Variants in DCUN1D1 observed in about 807,000 individuals in gnomAD.
The protein encoded by DCUN1D1 is defective in cullin neddylation 1 domain containing 1.
DCUN1D1 carries 3 observed loss-of-function variants against 39.0 expected under a neutral mutation model. That is an observed-to-expected ratio of 0.08 (90% CI 0.04 to 0.20). The LOEUF (loss-of-function observed/expected upper bound fraction) is 0.20, where lower values mean the gene tolerates loss of function less well. DCUN1D1 is among the 10% of genes least tolerant of loss of function. The pLI, the probability that DCUN1D1 is intolerant of heterozygous loss-of-function variation, is 1.00. For missense variants in DCUN1D1, 158 were observed against 302.4 expected (o/e 0.52, Z 3.54); for synonymous variants, 82 against 96.3 (o/e 0.85, Z 0.87).
intron 4 of DCUN1D1, among the ~76,000 whole-genome samples, 168 bp downstream of exon 4, chr3:182,961,058 T>C (rs1049717897): frequency 6.6e-6 from 1 of 152,206 alleles, no homozygotes; most frequent in Admixed American, 6.5e-5. Flanking sequence ...ACTTACTCAA[T>C]GTGCATGGTA....
In DCUN1D1 at chr3:182,938,246, TTTTTCAAAAAAATGAA is replaced by T. The variant is rs1725980249; in HGVS notation, c.*6832_*6847del. The T allele has an allele frequency of 6.6e-6, 1 of 152,110 alleles. No individual in the cohort carries two copies. The highest frequency in any genetic ancestry group is 1.5e-5 in the Non-Finnish European group (1 of 68,022). The allele number at this position is 152,110 out of a possible 1,614,324, so 9.4% of individuals were successfully genotyped here. A position where few individuals can be genotyped will look rare whatever the true frequency, so the allele number is the denominator to read the frequency against. ...TTTAAAGTGCTAAAGCAATCATTGT[TTTTTCAAAAAAATGAA>T]TTTGAAGCCAAAGAGTGGAGAGTGT... On this transcript the variant is annotated 3_prime_UTR_variant, in exon 7 of 7. Coordinates refer to ENST00000292782, the MANE Select transcript of DCUN1D1 (RefSeq NM_020640.4).
upstream of DCUN1D1, among the ~76,000 whole-genome samples, chr3:182,981,614 A>G (rs937131780): frequency 6.6e-6 from 1 of 152,240 alleles, no homozygotes; most frequent in Non-Finnish European, 1.5e-5. Context: ...AACTGTACCA[A>G]GAGCTTACCT....
chr3:182,973,076 T>C (rs1263640903), intron 1 of DCUN1D1, among the ~76,000 whole-genome samples: 2 of 152,000 alleles, frequency 1.3e-5, no homozygotes, highest in Admixed American at 6.6e-5. Context: ...ATTACTTTAG[T>C]CCCCTCTTAT....
chr3:182,969,651 T>C (rs190431022), intron 1 of DCUN1D1, among the ~76,000 whole-genome samples: 4 of 152,288 alleles, frequency 2.6e-5, no homozygotes, highest in Non-Finnish European at 5.9e-5. Context: ...TAAAACTACC[T>C]AGGTATTATC....
intron 4 of DCUN1D1, among the ~76,000 whole-genome samples, chr3:182,949,539 G>A (rs1033440218): frequency 1.1e-4 from 17 of 152,234 alleles, no homozygotes; most frequent in Admixed American, 9.8e-4. Context: ...GGGCAACATA[G>A]CAAGACCCCA....
At chr3:182,964,663 C>T (rs6809996) in intron 2 of DCUN1D1, among the ~76,000 whole-genome samples, 66,288 of 125,802 alleles carry the variant, frequency 0.53, 20,045 homozygotes, top group Non-Finnish European at 0.67. Flanking sequence ...TTTTTTGAGA[C>T]GGAGTCTCAC....
chr3:182,980,502 C>A lies in DCUN1D1; in HGVS notation c.-13G>T, dbSNP rs2108409351. ...AGTGCCTCACCATGTTGGTGTCCTCCAGGCCTCTCCCCTCCTCCTCCGGCT... is the reference window on the plus strand; with the variant it reads ...AGTGCCTCACCATGTTGGTGTCCTCAAGGCCTCTCCCCTCCTCCTCCGGCT... On this transcript the variant is annotated 5_prime_UTR_variant, in exon 1 of 7. Coordinates refer to ENST00000292782, the MANE Select transcript of DCUN1D1 (RefSeq NM_020640.4). 8.1e-7 allele frequency: 1 copy of A among 1,241,914 alleles called. No homozygotes were observed. Among genetic ancestry groups the A allele is most frequent in the South Asian group, 1.8e-5 (1 of 54,670 alleles). The allele number at this position is 1,241,914 out of a possible 1,614,324, so 76.9% of individuals were successfully genotyped here. A position where few individuals can be genotyped will look rare whatever the true frequency, so the allele number is the denominator to read the frequency against.
At chr3:182,980,555 G>GGCGGCTCCTCTCACGGGCTTGC (rs952534260), upstream of DCUN1D1, 169 of 1,201,568 alleles carry the variant, frequency 1.4e-4, no homozygotes, top group Admixed American at 4.2e-4. Context: ...CGGCGGCGGC[G>GGCGGCTCCTCTCACGGGCTTGC]GCGGCTCCTC....
In DCUN1D1 at chr3:182,938,921, C is replaced by T. The variant is rs1359840742; in HGVS notation, c.*6173G>A. On this transcript the variant is annotated 3_prime_UTR_variant, in exon 7 of 7. Coordinates refer to ENST00000292782, the MANE Select transcript of DCUN1D1 (RefSeq NM_020640.4). ...ACCTTGGTACAAACAATAACAGAGC[C>T]AAAGCACCAGCCATCAGCACCACTC... 1 of 152,478 alleles carries T rather than the reference C, an allele frequency of 6.6e-6. No homozygotes were observed. Among genetic ancestry groups the T allele is most frequent in the Non-Finnish European group, 1.5e-5 (1 of 68,118 alleles). The allele number at this position is 152,478 out of a possible 1,614,324, so 9.4% of individuals were successfully genotyped here.
rs576652691 is a variant in DCUN1D1, at chr3:182,943,254, GAT to G, written c.*1838_*1839del. On this transcript the variant is annotated 3_prime_UTR_variant, in exon 7 of 7. Coordinates refer to ENST00000292782, the MANE Select transcript of DCUN1D1 (RefSeq NM_020640.4). ...AACAGTACATATATATAGATATATA[GAT>G]ATATATATCTTTTAAAAATTTTTCA... is the stretch of plus-strand genomic sequence containing the variant. 6.8e-6 allele frequency: 1 copy of G among 146,596 alleles called. No homozygotes were observed. Among genetic ancestry groups the G allele is most frequent in the African/African-American group, 2.5e-5 (1 of 40,036 alleles). 9.1% of individuals were successfully genotyped at this position (146,596 alleles called of 1,614,324 possible).
intron 4 of DCUN1D1, among the ~76,000 whole-genome samples, chr3:182,948,484 C>A (rs1307119516): frequency 3.3e-5 from 5 of 151,780 alleles, no homozygotes; most frequent in Non-Finnish European, 7.4e-5. Context: ...ACTACGCTTA[C>A]CACACAACAG....
chr3:182,955,371 G>T, intron 4 of DCUN1D1: 1 of 538,366 alleles, frequency 1.9e-6, no homozygotes, highest in Non-Finnish European at 3.8e-6. Flanking sequence ...TGTTTTTCCT[G>T]GTTCTTTATT....
chr3:182,980,425 G>A (rs930736058), intron 1 of DCUN1D1, 62 bp downstream of exon 1: 99 of 1,023,066 alleles, frequency 9.7e-5, no homozygotes, highest in African/African-American at 9.2e-4. Flanking sequence ...CGGCCGGGGC[G>A]GGGGTGCGCG....
intron 1 of DCUN1D1, among the ~76,000 whole-genome samples, chr3:182,973,178 G>A (rs1728037815): frequency 6.6e-6 from 1 of 152,102 alleles, no homozygotes; most frequent in Non-Finnish European, 1.5e-5. Context: ...TATACACTAT[G>A]TTTTTTTGAC....
At chr3:182,962,653 T>G (rs1727458764) in intron 3 of DCUN1D1, among the ~76,000 whole-genome samples, 1 of 152,226 alleles carries the variant, frequency 6.6e-6, no homozygotes, top group Non-Finnish European at 1.5e-5. Flanking sequence ...CTTCCCTTAC[T>G]TCCCAGAGGT....
At chr3:182,967,960 G>GT (rs1727754164) in intron 1 of DCUN1D1, among the ~76,000 whole-genome samples, 1 of 150,728 alleles carries the variant, frequency 6.6e-6, no homozygotes, top group South Asian at 2.1e-4. Context: ...GAGGAACAAA[G>GT]TAAAGTACCA....
At chr3:182,981,269 C>G (rs377204892), upstream of DCUN1D1, among the ~76,000 whole-genome samples, 8 of 152,276 alleles carry the variant, frequency 5.3e-5, no homozygotes, top group African/African-American at 1.9e-4. Context: ...TGCCTGCCTA[C>G]TGCTAGCTCT....
chr3:182,948,934 G>A (rs1362573405), intron 4 of DCUN1D1, among the ~76,000 whole-genome samples: 3 of 149,560 alleles, frequency 2.0e-5, no homozygotes, highest in Non-Finnish European at 4.5e-5. Context: ...TGTAATCCCA[G>A]CTACTCGGGA....
chr3:182,951,567 G>T (rs1726740862), intron 4 of DCUN1D1, among the ~76,000 whole-genome samples: 1 of 111,062 alleles, frequency 9.0e-6, no homozygotes, highest in African/African-American at 3.4e-5. Flanking sequence ...AGTGGGTCAT[G>T]ATTGTGCCAC....
Sources: allele counts gnomAD v4.1 joint callset (sites outside exome capture counted in the v4.1 genomes callset), GRCh38; gene constraint gnomAD v4.1.1; transcripts MANE v1.5; gene names NCBI Gene and HGNC (gene_info 2026-07-23, HGNC 2026-07-21).